Variants in PEBP4 observed in about 807,000 individuals in gnomAD.
PEBP4 encodes the protein phosphatidylethanolamine-binding protein 4.
PEBP4 carries 22 observed loss-of-function variants against 23.9 expected under a neutral mutation model. The ratio of observed to expected loss-of-function variants is 0.92; its 90% CI spans 0.66 to 1.31. The LOEUF (loss-of-function observed/expected upper bound fraction) is 1.31. Among genes scored for constraint, PEBP4 ranks in the 40% most tolerant of loss-of-function variants. The probability of loss-of-function intolerance (pLI) is 0.00; values close to 1 mark genes in which losing one functional copy is unlikely to be tolerated. For missense variants in PEBP4, 324 were observed against 281.7 expected (o/e 1.15, Z -1.07); for synonymous variants, 112 against 99.3 (o/e 1.13, Z -0.76).
intron 2 of PEBP4, among the ~76,000 whole-genome samples, chr8:22,921,262 G>A (rs982481341): frequency 2.6e-5 from 4 of 152,254 alleles, no homozygotes; most frequent in African/African-American, 4.8e-5. Context: ...ATCACTGAGA[G>A]AGAAAGGGTG....
intron 3 of PEBP4, among the ~76,000 whole-genome samples, chr8:22,899,226 A>T (rs1293746381): frequency 6.6e-6 from 1 of 152,222 alleles, no homozygotes; most frequent in Admixed American, 6.5e-5. Flanking sequence ...AATCTGCCCT[A>T]TGCAGGCTGC....
At chr8:22,829,443 C>G (rs534262648) in intron 3 of PEBP4, among the ~76,000 whole-genome samples, 1 of 152,348 alleles carries the variant, frequency 6.6e-6, no homozygotes, top group East Asian at 1.9e-4. Flanking sequence ...CCTGACCCCT[C>G]TCTTAGTAGG....
chr8:22,777,980 C>T (rs770080213), intron 4 of PEBP4, among the ~76,000 whole-genome samples: 9 of 152,164 alleles, frequency 5.9e-5, no homozygotes, highest in Non-Finnish European at 2.9e-5. Flanking sequence ...CTTTTCCCAC[C>T]ACCAGCCCCT....
intron 1 of PEBP4, among the ~76,000 whole-genome samples, chr8:22,937,548 T>C (rs1809556255): frequency 1.9e-5 from 1 of 51,532 alleles, no homozygotes; most frequent in Non-Finnish European, 3.9e-5. Context: ...CCTATGAAAA[T>C]GTCAATTTTT....
chr8:22,725,050 G>A (rs1053962437), intron 5 of PEBP4, 94 bp from the exon 6 acceptor site: 10 of 1,000,794 alleles, frequency 1.0e-5, no homozygotes, highest in Non-Finnish European at 6.3e-6. Flanking sequence ...GACCTCCCTG[G>A]GGCCCCAGAT....
At chr8:22,824,068 C>A (rs377135194) in intron 3 of PEBP4, among the ~76,000 whole-genome samples, 1 of 151,952 alleles carries the variant, frequency 6.6e-6, no homozygotes, top group African/African-American at 2.4e-5. Context: ...GGAGAGAAGA[C>A]CAAAACCACA....
intron 3 of PEBP4, among the ~76,000 whole-genome samples, chr8:22,864,423 A>G (rs1807843000): frequency 7.8e-6 from 1 of 127,516 alleles, no homozygotes; most frequent in Admixed American, 8.3e-5. Flanking sequence ...AACCTAACCC[A>G]GGACCCAGCA....
At chr8:22,783,873 G>A (rs137896349) in intron 4 of PEBP4, among the ~76,000 whole-genome samples, 7 of 152,304 alleles carry the variant, frequency 4.6e-5, no homozygotes, top group African/African-American at 1.2e-4. Flanking sequence ...TGATCTCCCC[G>A]CCTTGGCTTC....
intron 3 of PEBP4, among the ~76,000 whole-genome samples, chr8:22,876,415 T>C (rs974192380): frequency 2.6e-5 from 4 of 152,182 alleles, no homozygotes; most frequent in African/African-American, 9.7e-5. Context: ...ACTGAAAGGA[T>C]GAACCACCCA....
At chr8:22,859,259 T>C (rs1427862915) in intron 3 of PEBP4, among the ~76,000 whole-genome samples, 2 of 152,176 alleles carry the variant, frequency 1.3e-5, no homozygotes, top group African/African-American at 4.8e-5. Flanking sequence ...AAGTCAAAGA[T>C]GGAAAATCCA....
chr8:22,843,254 C>T lies in PEBP4; in HGVS notation c.259-25519G>A, dbSNP rs117790355. Reference sequence around the variant, plus strand: ...CTGGGATTACAGGTGTAAGCCACTGCGCCTGGCCAGGCCCTGCAATTCTAT... The same window carrying T: ...CTGGGATTACAGGTGTAAGCCACTGTGCCTGGCCAGGCCCTGCAATTCTAT... On this transcript the variant is annotated intron_variant, in intron 3 of 6. Transcript: ENST00000256404. Among the ~76,000 whole-genome samples the T allele has an allele frequency of 8.2e-3, 1,245 of 152,292 alleles. 19 individuals carry two copies. The East Asian group carries it at 0.084, about 10-fold the overall frequency.
chr8:22,924,045 T>G (rs1585159572), intron 2 of PEBP4, among the ~76,000 whole-genome samples: 1 of 152,278 alleles, frequency 6.6e-6, no homozygotes, highest in Admixed American at 6.5e-5. Context: ...GGGGGCTCAC[T>G]GTGAAAGTGT....
At chr8:22,878,205 G>A (rs946781953) in intron 3 of PEBP4, 2 of 149,038 alleles carry the variant, frequency 1.3e-5, no homozygotes, top group African/African-American at 4.9e-5. Flanking sequence ...GGTGGAGGGT[G>A]AGCATGGAGA....
intron 3 of PEBP4, among the ~76,000 whole-genome samples, chr8:22,868,461 G>A (rs2128770000): frequency 6.6e-6 from 1 of 152,226 alleles, no homozygotes; most frequent in South Asian, 2.1e-4. Flanking sequence ...AGGGGTGGGA[G>A]GAATTGGGTT....
chr8:22,824,783 G>A (rs543787248), intron 3 of PEBP4, among the ~76,000 whole-genome samples: 3 of 152,242 alleles, frequency 2.0e-5, no homozygotes, highest in African/African-American at 7.2e-5. Context: ...AGACTCTAAT[G>A]CCACAGCCAA....
chr8:22,911,789 CA>C (rs1231501685), intron 3 of PEBP4, among the ~76,000 whole-genome samples: 1 of 152,162 alleles, frequency 6.6e-6, no homozygotes, highest in African/African-American at 2.4e-5. Flanking sequence ...AACAAACAAA[CA>C]AAAAAACAAC....
intron 2 of PEBP4, chr8:22,924,758 G>A (rs62493005): frequency 0.046 from 45,185 of 985,322 alleles, 1,186 homozygotes; most frequent in Non-Finnish European, 0.05. Flanking sequence ...CAGGTTTGGA[G>A]AATCATGGTT....
At chr8:22,803,948 C>T (rs1011484247) in intron 4 of PEBP4, among the ~76,000 whole-genome samples, 6 of 152,244 alleles carry the variant, frequency 3.9e-5, no homozygotes, top group African/African-American at 1.4e-4. Flanking sequence ...TGGTGTAAGT[C>T]ACCGTCATTC....
At chr8:22,737,636 C>A (rs1226807262) in intron 4 of PEBP4, among the ~76,000 whole-genome samples, 2 of 152,188 alleles carry the variant, frequency 1.3e-5, no homozygotes, top group Admixed American at 6.5e-5. Context: ...GTTAAAGCAG[C>A]CTCAGTCAAT....
Sources: allele counts gnomAD v4.1 joint callset (sites outside exome capture counted in the v4.1 genomes callset), GRCh38; gene constraint gnomAD v4.1.1; transcripts MANE v1.5; gene names NCBI Gene and HGNC (gene_info 2026-07-23, HGNC 2026-07-21).